NUP188: variants seen among roughly 807,000 people sequenced by gnomAD.
NUP188 encodes nucleoporin NUP188.
NUP188 carries 97 observed loss-of-function variants against 223.0 expected under a neutral mutation model. The observed-to-expected ratio is 0.43, with a 90% CI of 0.37 to 0.51. The LOEUF (loss-of-function observed/expected upper bound fraction) is 0.51, where lower values mean the gene tolerates loss of function less well. Ranked by LOEUF, NUP188 falls within the 20% of genes least tolerant of loss-of-function variation. The pLI, the probability that NUP188 is intolerant of heterozygous loss-of-function variation, is 0.00. For synonymous variants in NUP188, 869 were observed against 828.0 expected (o/e 1.05, Z -0.85); for missense variants, 1,947 against 2,175.6 (o/e 0.89, Z 2.09).
chr9:128,998,246 A>G lies in NUP188; in HGVS notation c.3429+18A>G, dbSNP rs1359924162. 1.2e-6 allele frequency: 2 copies of G among 1,600,786 alleles called. No homozygotes were observed. The highest frequency in any genetic ancestry group is 1.7e-6 in the Non-Finnish European group (2 of 1,168,016). ...AAGCATTAGTAAGTGTGTCTGGGAGATTTTACATTTCTCCCAGGGAGGTTG... is the reference window on the plus strand; with the variant it reads ...AAGCATTAGTAAGTGTGTCTGGGAGGTTTTACATTTCTCCCAGGGAGGTTG... On this transcript the variant is annotated intron_variant, in intron 31 of 43. Coordinates refer to ENST00000372577, the MANE Select transcript of NUP188 (RefSeq NM_015354.3).
intron 12 of NUP188, among the ~76,000 whole-genome samples, chr9:128,976,310 A>G (rs1023848658): frequency 6.6e-6 from 1 of 152,168 alleles, no homozygotes; most frequent in Admixed American, 6.6e-5. Context: ...TTGTAAATTG[A>G]CTAACTTGGT....
chr9:128,973,170 G>A lies in NUP188; in HGVS notation c.1124G>A (p.Ser375Asn). ...LASGGNDCTT[S>N]TACMCVYGLL... Reference sequence around the variant, plus strand: ...CCTTTGTCATTCCAGTGCACCACCAGCACTGCATGCATGTGTGTCTATGGA... The same window carrying A: ...CCTTTGTCATTCCAGTGCACCACCAACACTGCATGCATGTGTGTCTATGGA... The change falls in exon 12 of 44, where the codon AGC becomes AAC. Residue 375 changes from serine to asparagine, a missense_variant. By Grantham distance (46) the Ser-to-Asn change is conservative. Coordinates refer to ENST00000372577, the MANE Select transcript of NUP188 (RefSeq NM_015354.3). 2 of 1,611,960 alleles carry A rather than the reference G, an allele frequency of 1.2e-6. No homozygotes were observed. The highest frequency in any genetic ancestry group is 1.1e-5 in the South Asian group (1 of 90,926).
chr9:128,966,813 A>G (rs1232465161), intron 8 of NUP188, among the ~76,000 whole-genome samples: 1 of 152,188 alleles, frequency 6.6e-6, no homozygotes, highest in Non-Finnish European at 1.5e-5. Context: ...TCAGTTGAAT[A>G]GTATGAGTTT....
At chr9:128,995,716 C>A (rs1842513434) in intron 30 of NUP188, among the ~76,000 whole-genome samples, 1 of 152,114 alleles carries the variant, frequency 6.6e-6, no homozygotes, top group African/African-American at 2.4e-5. Flanking sequence ...AAGAGGAATG[C>A]AGAGAAGTGA....
chr9:128,969,302 T>C (rs1329029125), intron 9 of NUP188, 98 bp from the exon 10 acceptor site: 1 of 713,464 alleles, frequency 1.4e-6, no homozygotes, highest in African/African-American at 1.8e-5. Flanking sequence ...CCTGGCCCAA[T>C]AGGTTTTTTT....
At chr9:128,962,248 CT>C (rs1227664142) in intron 8 of NUP188, among the ~76,000 whole-genome samples, 229 of 132,156 alleles carry the variant, frequency 1.7e-3, no homozygotes, top group Non-Finnish European at 1.9e-3. Context: ...ACACCATACT[CT>C]TTTTTTTTTT....
chr9:128,992,800 A>T (rs935245859), intron 25 of NUP188, among the ~76,000 whole-genome samples: 60 of 152,230 alleles, frequency 3.9e-4, no homozygotes, highest in Non-Finnish European at 7.8e-4. Flanking sequence ...GGTATAAATG[A>T]ACATGATATT....
chr9:128,956,439 G>A lies in NUP188; in HGVS notation c.246+5G>A. 6.6e-7 allele frequency: 1 copy of A among 1,515,350 alleles called. No homozygotes were observed. Among genetic ancestry groups the A allele is most frequent in the Non-Finnish European group, 9.0e-7 (1 of 1,110,994 alleles). The allele number at this position is 1,515,350 out of a possible 1,614,324, so 93.9% of individuals were successfully genotyped here. A position where few individuals can be genotyped will look rare whatever the true frequency, so the allele number is the denominator to read the frequency against. ...TTAAGAATCAGCAAGTTTTTGGTGA[G>A]TAAAAATTAGCACTCGCTCAATTTA... is the stretch of plus-strand genomic sequence containing the variant. On this transcript the variant is annotated splice_donor_5th_base_variant and intron_variant, in intron 4 of 43. Transcript: ENST00000372577.
rs1842483986 is a variant in NUP188, at chr9:128,994,441, A to G, written c.3086A>G (p.Glu1029Gly). Residue 1029 changes from glutamate (E) to glycine (G), a missense_variant and splice_region_variant, in exon 28 of 44, where the codon GAG (glutamate) becomes GGG (glycine). Glu to Gly is a moderately conservative substitution (Grantham distance 98). Coordinates refer to ENST00000372577, the MANE Select transcript of NUP188 (RefSeq NM_015354.3). ...GTLSPPSETSEPSILETCALI... is the reference protein window; with the variant it reads ...GTLSPPSETSGPSILETCALI... The stretch of plus-strand genomic sequence containing the variant: ...CTTTCTCCTCCCTCTGAAACATCAG[A>G]GGTAAGCTGTGGCAGAGGGCAGGAT... 2 of 1,611,598 alleles carry G rather than the reference A, an allele frequency of 1.2e-6. No individual in the cohort carries two copies. Among genetic ancestry groups the G allele is most frequent in the East Asian group, 2.2e-5 (1 of 44,886 alleles).
chr9:129,005,260 G>A (rs376247560), intron 39 of NUP188, 39 bp downstream of exon 39: 16 of 1,613,106 alleles, frequency 9.9e-6, no homozygotes, highest in African/African-American at 5.3e-5. Context: ...AATACCTCAC[G>A]CTAGCTTCCC....
chr9:128,956,208 T>TGC (rs1419719056), intron 3 of NUP188, 142 bp from the exon 4 acceptor site: 228 of 470,726 alleles, frequency 4.8e-4, no homozygotes, highest in Non-Finnish European at 6.5e-4. Context: ...TGTGTGTGTG[T>TGC]GTGCGTGTGT....
intron 12 of NUP188, among the ~76,000 whole-genome samples, chr9:128,976,837 G>A (rs1420515794): frequency 1.3e-5 from 2 of 152,048 alleles, no homozygotes; most frequent in Non-Finnish European, 2.9e-5. Flanking sequence ...AGCACTTTCC[G>A]AGGCCAAGGT....
intron 8 of NUP188, among the ~76,000 whole-genome samples, chr9:128,959,341 C>T (rs1420380980): frequency 6.6e-6 from 1 of 151,854 alleles, no homozygotes; most frequent in Non-Finnish European, 1.5e-5. Context: ...AGGGTTTCAC[C>T]ATGTTGGCCA....
intron 25 of NUP188, among the ~76,000 whole-genome samples, chr9:128,990,587 G>A (rs760077150): frequency 3.1e-4 from 47 of 152,002 alleles, no homozygotes; most frequent in African/African-American, 5.8e-4. Flanking sequence ...TTAGGGGGCC[G>A]GGCATGGTGG....
rs368023298 is a variant in NUP188 at position 129,001,941 on chromosome 9, A to G, written c.4102A>G (p.Ser1368Gly). The change falls in exon 36 of 44, where the codon AGT becomes GGT. Residue 1368 changes from serine (S) to glycine (G), a missense_variant. Coordinates refer to ENST00000372577, the MANE Select transcript of NUP188 (RefSeq NM_015354.3). Reference sequence around the variant, plus strand: ...CCAGAGCATTTGTTTGCCCCTTCTGAGTGTGTACCAGCTGAGCACCAACGG... The same window carrying G: ...CCAGAGCATTTGTTTGCCCCTTCTGGGTGTGTACCAGCTGAGCACCAACGG... ...ITQSICLPLLSVYQLSTNGTA... is the reference protein window; with the variant it reads ...ITQSICLPLLGVYQLSTNGTA... 1.3e-4 allele frequency: 207 copies of G among 1,613,952 alleles called. No individual in the cohort carries two copies. The highest frequency in any genetic ancestry group is 3.7e-4 in the Admixed American group (22 of 60,002).
At chr9:128,956,522 CT>C in intron 4 of NUP188, 88 bp downstream of exon 4, 2 of 685,476 alleles carry the variant, frequency 2.9e-6, no homozygotes, top group Non-Finnish European at 4.8e-6. Context: ...AATTCAGTTT[CT>C]TTTTGTTTTG....
At chr9:129,004,281 C>CAA (rs560251172) in intron 38 of NUP188, among the ~76,000 whole-genome samples, 15 of 89,634 alleles carry the variant, frequency 1.7e-4, no homozygotes, top group African/African-American at 2.2e-4. Flanking sequence ...GACTCCGTCT[C>CAA]AAAAAAAAAA....
Position 128,984,124 on chromosome 9 carries a change from A to ATTTTTTTTTTTTTTTTTTTTTTTTT in NUP188, c.1961+593_1961+594insTTTTTTTTTTTTTTTTTTTTTTTTT, listed in dbSNP as rs1193631566. Reference sequence around the variant, plus strand: ...GGCGTGAGCCACCGCGCCTGGCCTGATTTTTTTTTTTTTTTTTTTGAGATG... The same window carrying ATTTTTTTTTTTTTTTTTTTTTTTTT: ...GGCGTGAGCCACCGCGCCTGGCCTGATTTTTTTTTTTTTTTTTTTTTTTTTTTTTTTTTTTTTTTTTTTTGAGATG... On this transcript the variant is annotated intron_variant, in intron 19 of 43. Transcript: ENST00000372577. Among the ~76,000 whole-genome samples the ATTTTTTTTTTTTTTTTTTTTTTTTT allele has an allele frequency of 6.2e-4, 58 of 93,026 alleles. 6 individuals carry two copies. Among genetic ancestry groups the ATTTTTTTTTTTTTTTTTTTTTTTTT allele is most frequent in the East Asian group, 3.0e-3 (9 of 2,956 alleles). The allele number at this position is 93,026 out of a possible 152,430, so 61.0% of individuals were successfully genotyped here.
chr9:128,958,306 G>A (rs1841899320), intron 6 of NUP188, among the ~76,000 whole-genome samples: 1 of 152,326 alleles, frequency 6.6e-6, no homozygotes, highest in Non-Finnish European at 1.5e-5. Context: ...TTAGGTGTAA[G>A]TCCAACAGGA....
Sources: allele counts gnomAD v4.1 joint callset (sites outside exome capture counted in the v4.1 genomes callset), GRCh38; gene constraint gnomAD v4.1.1; transcripts MANE v1.5; gene names NCBI Gene and HGNC (gene_info 2026-07-23, HGNC 2026-07-21).